ORMDL1: variants seen among roughly 807,000 people sequenced by gnomAD.
ORMDL1 encodes the protein ORMDL sphingolipid biosynthesis regulator 1, also known as ORM1-like protein 1.
Under a neutral mutation model 13.0 loss-of-function variants are expected in ORMDL1, and 10 were observed. That is an observed-to-expected ratio of 0.77 (90% confidence interval 0.47 to 1.30). The LOEUF is 1.30. Ranked by LOEUF, ORMDL1 falls within the 50% of genes most tolerant of loss-of-function variation. ORMDL1 has a pLI of 0.00. For synonymous variants in ORMDL1, 61 were observed against 63.9 expected, an observed-to-expected ratio of 0.95 and a Z score of 0.22; for missense variants, 171 against 186.7, an observed-to-expected ratio of 0.92 and a Z score of 0.49.
At chr2:189,766,733 AAAAAC>A (rs1456384105), downstream of ORMDL1, among the ~76,000 whole-genome samples, 6 of 150,246 alleles carry the variant, frequency 4.0e-5, no homozygotes, top group Non-Finnish European at 6.0e-5. Context: ...TCAAAAAAAA[AAAAAC>A]AAAACAAAAA....
At chr2:189,765,005 G>C in the ORMDL1 span, 1 of 151,894 alleles carries the variant, frequency 6.6e-6, no homozygotes, top group African/African-American at 2.4e-5. Flanking sequence ...GTTAATTTTT[G>C]TATTTTTAGT....
chr2:189,773,815 T>A (rs1363089186), intron 4 of ORMDL1: 1 of 152,046 alleles, frequency 6.6e-6, no homozygotes, highest in African/African-American at 2.4e-5. Flanking sequence ...AAAGTCCTAA[T>A]GCTATATAGA....
downstream of ORMDL1, among the ~76,000 whole-genome samples, chr2:189,767,351 G>A (rs1306839465): frequency 3.3e-5 from 5 of 152,092 alleles, no homozygotes; most frequent in South Asian, 2.1e-4. Flanking sequence ...TATTTTCACC[G>A]GCAATAACTA....
intron 4 of ORMDL1, chr2:189,775,143 A>G: frequency 6.5e-6 from 1 of 153,910 alleles, no homozygotes; most frequent in Non-Finnish European, 1.4e-5. Context: ...TTTCGAAACC[A>G]TACTCTTTCC....
At chr2:189,775,404 C>T in intron 4 of ORMDL1, 161 bp downstream of exon 4, 1 of 708,656 alleles carries the variant, frequency 1.4e-6, no homozygotes, top group Non-Finnish European at 2.2e-6. Flanking sequence ...AGTTTATTAT[C>T]AACTTGTTAA....
chr2:189,764,402 C>T, the ORMDL1 span: 9 of 152,296 alleles, frequency 5.9e-5, no homozygotes, highest in East Asian at 1.2e-3. Context: ...GTAGATTCCT[C>T]GTCTAGGCAC....
rs776229038 is a variant in ORMDL1 at position 189,775,697 on chromosome 2, T to C, written c.194A>G (p.His65Arg). 3.1e-6 allele frequency: 5 copies of C among 1,612,974 alleles called. No individual in the cohort carries two copies. The highest frequency in any genetic ancestry group is 1.1e-5 in the South Asian group (1 of 90,836). The change falls in exon 4 of 5, where the codon CAT becomes CGT. Residue 65 changes from histidine (H) to arginine (R), a missense_variant. His to Arg is a conservative substitution (Grantham distance 29). Transcript: ENST00000392349. ...IHNLGMYVFL[H>R]AVKGTPFETP... The stretch of plus-strand genomic sequence containing the variant: ...TTCGAAAGGTGTTCCTTTCACTGCA[T>C]GCAAAAATACGTACATCCCCTGGAA...
chr2:189,773,324 G>A (rs2047620209), intron 4 of ORMDL1, among the ~76,000 whole-genome samples: 1 of 152,144 alleles, frequency 6.6e-6, no homozygotes, highest in African/African-American at 2.4e-5. Flanking sequence ...CAGCTATATT[G>A]GAAAGAGACC....
chr2:189,768,296 T>C (rs1162836601), downstream of ORMDL1, among the ~76,000 whole-genome samples: 1 of 152,216 alleles, frequency 6.6e-6, no homozygotes, highest in Non-Finnish European at 1.5e-5. Flanking sequence ...ACTATCCATG[T>C]TATTGTTTTA....
chr2:189,782,630 A>T (rs1376772997), intron 2 of ORMDL1, 28 bp from the exon 3 acceptor site: 1 of 1,587,594 alleles, frequency 6.3e-7, no homozygotes, highest in Non-Finnish European at 8.6e-7. Flanking sequence ...ATGAATCAAC[A>T]CTGATACAAC....
intron 3 of ORMDL1, chr2:189,778,114 G>C (rs937750223): frequency 2.0e-5 from 9 of 446,312 alleles, no homozygotes; most frequent in Admixed American, 4.9e-5. Flanking sequence ...GTGGTACAGG[G>C]ATGGCATCTA....
downstream of ORMDL1, among the ~76,000 whole-genome samples, chr2:189,769,130 TCC>T (rs2047530399): frequency 6.6e-6 from 1 of 152,096 alleles, no homozygotes; most frequent in South Asian, 2.1e-4. Flanking sequence ...ATGCCTGTAA[TCC>T]CAGCCTGACC....
At position 189,771,411 on chromosome 2, in the gene ORMDL1, C is replaced by T. The variant is rs1251107333; in HGVS notation, c.*356G>A. ...CCACAGCTGAATGACTGGAAATGTT[C>T]TTTTCTTAACACAATGCCCATTCAT... On this transcript the variant is annotated 3_prime_UTR_variant, in exon 5 of 5. Transcript: ENST00000392349. The T allele has an allele frequency of 6.2e-6, 1 of 162,044 alleles. No homozygotes were observed. Among genetic ancestry groups the T allele is most frequent in the African/African-American group, 2.4e-5 (1 of 41,878 alleles). The allele number at this position is 162,044 out of a possible 1,614,324, so 10.0% of individuals were successfully genotyped here. A position where few individuals can be genotyped will look rare whatever the true frequency, so the allele number is the denominator to read the frequency against.
At chr2:189,776,927 G>T (rs1169733002) in intron 3 of ORMDL1, among the ~76,000 whole-genome samples, 1 of 152,142 alleles carries the variant, frequency 6.6e-6, no homozygotes, top group East Asian at 1.9e-4. Flanking sequence ...CAGCTAGAAA[G>T]TAGGGCAGAA....
chr2:189,777,322 A>G (rs2047721271), intron 3 of ORMDL1, among the ~76,000 whole-genome samples: 1 of 152,184 alleles, frequency 6.6e-6, no homozygotes, highest in South Asian at 2.1e-4. Context: ...AGCTCTACGA[A>G]ACCATTTTCA....
At chr2:189,769,405 A>AC (rs397815641), downstream of ORMDL1, among the ~76,000 whole-genome samples, 47 of 151,090 alleles carry the variant, frequency 3.1e-4, no homozygotes, top group African/African-American at 1.1e-3. Context: ...AAAAAAAAAA[A>AC]GTTAAGGCAG....
At chr2:189,775,288 T>C (rs185054026) in intron 4 of ORMDL1, 2 of 273,308 alleles carry the variant, frequency 7.3e-6, no homozygotes. Context: ...ATATGAAACC[T>C]AAGGACGGGA....
chr2:189,780,539 G>A (rs1434614414), intron 3 of ORMDL1, among the ~76,000 whole-genome samples: 1 of 152,094 alleles, frequency 6.6e-6, no homozygotes, highest in Non-Finnish European at 1.5e-5. Context: ...TATTCTACAG[G>A]TAGAAACTGA....
chr2:189,772,667 T>C (rs1392079029), intron 4 of ORMDL1, among the ~76,000 whole-genome samples: 1 of 152,208 alleles, frequency 6.6e-6, no homozygotes, highest in Non-Finnish European at 1.5e-5. Context: ...ATAATACAGA[T>C]AAGATGTAAA....
Sources: allele counts gnomAD v4.1 joint callset (sites outside exome capture counted in the v4.1 genomes callset), GRCh38; gene constraint gnomAD v4.1.1; transcripts MANE v1.5; gene names NCBI Gene and HGNC (gene_info 2026-07-23, HGNC 2026-07-21).